Variants in GALNTL6 observed in about 807,000 individuals in gnomAD.
GALNTL6 encodes polypeptide N-acetylgalactosaminyltransferase like 6, also known as polypeptide N-acetylgalactosaminyltransferase-like 6.
Under a neutral mutation model 73.7 loss-of-function variants are expected in GALNTL6, and 46 were observed. That is an observed-to-expected ratio of 0.62 (90% CI 0.49 to 0.80). The LOEUF is 0.80. Ranked by LOEUF, GALNTL6 falls within the 30% of genes least tolerant of loss-of-function variation. The pLI is 0.00. For missense variants in GALNTL6, 604 were observed against 755.0 expected, an observed-to-expected ratio of 0.80 and a Z score of 2.34; for synonymous variants, 259 against 263.7, an observed-to-expected ratio of 0.98 and a Z score of 0.17.
intron 5 of GALNTL6, among the ~76,000 whole-genome samples, chr4:172,514,195 A>G (rs371656751): frequency 2.6e-5 from 4 of 152,174 alleles, no homozygotes; most frequent in Non-Finnish European, 5.9e-5. Flanking sequence ...GTCTTCTACT[A>G]TCAGGGTGGG....
At chr4:172,951,942 TCTTTTC>T (rs1053365016) in intron 9 of GALNTL6, 89 bp from the exon 10 acceptor site, 9 of 1,029,852 alleles carry the variant, frequency 8.7e-6, no homozygotes, top group Non-Finnish European at 1.3e-5. Flanking sequence ...GTTGCCGCTA[TCTTTTC>T]CTTTTCTTTT....
At chr4:172,300,480 A>G (rs1405782436) in intron 3 of GALNTL6, among the ~76,000 whole-genome samples, 1 of 152,020 alleles carries the variant, frequency 6.6e-6, no homozygotes, top group Non-Finnish European at 1.5e-5. Context: ...GGTCTTTACA[A>G]TTTGGCATGT....
intron 2 of GALNTL6, among the ~76,000 whole-genome samples, chr4:172,156,540 A>ATACATGT (rs58197299): frequency 3.2e-5 from 4 of 125,186 alleles, no homozygotes; most frequent in African/African-American, 1.4e-4. Flanking sequence ...ATATATATAT[A>ATACATGT]ATATATATAT....
rs1561045930 is a variant in GALNTL6, at chr4:172,362,361, CATT to C, written c.553+13674_553+13676del. 3.5e-5 allele frequency among the ~76,000 whole-genome samples: 5 copies of C among 143,098 alleles called. No homozygotes were observed. The Admixed American group carries it at 3.7e-4, about 11-fold the overall frequency. The allele number at this position is 143,098 out of a possible 152,430, so 93.9% of individuals were successfully genotyped here. ...AGTAATTTATAAGTGTATTTGTTCA[CATT>C]AATTAATATTATTAAACAAACTTAA... On this transcript the variant is annotated intron_variant, in intron 5 of 12. Transcript: ENST00000506823.
chr4:172,803,364 T>C (rs913028876), intron 5 of GALNTL6, among the ~76,000 whole-genome samples: 2 of 152,162 alleles, frequency 1.3e-5, no homozygotes, highest in African/African-American at 4.8e-5. Flanking sequence ...ACTACACATG[T>C]GAGGGATCTA....
chr4:172,549,948 A>G (rs1215920215), intron 5 of GALNTL6, among the ~76,000 whole-genome samples: 1 of 152,204 alleles, frequency 6.6e-6, no homozygotes, highest in Non-Finnish European at 1.5e-5. Context: ...GCTGTTTATC[A>G]CAAATATCTT....
intron 2 of GALNTL6, among the ~76,000 whole-genome samples, chr4:172,057,701 CAAA>C (rs57041409): frequency 0.035 from 2,206 of 63,102 alleles, 30 homozygotes; most frequent in Non-Finnish European, 0.046. Context: ...GACCCTGTCT[CAAA>C]AAAAAAAAAA....
At chr4:172,058,947 A>G (rs148072422) in intron 2 of GALNTL6, among the ~76,000 whole-genome samples, 7 of 152,248 alleles carry the variant, frequency 4.6e-5, no homozygotes, top group African/African-American at 1.7e-4. Context: ...AATAATTAAA[A>G]TTTTCTATTG....
At chr4:172,105,998 G>T (rs1426782089) in intron 2 of GALNTL6, among the ~76,000 whole-genome samples, 2 of 152,044 alleles carry the variant, frequency 1.3e-5, no homozygotes, top group Admixed American at 6.6e-5. Flanking sequence ...GAAAAAATTG[G>T]CAATAGTAAA....
chr4:172,561,259 C>CAGA (rs1736351718), intron 5 of GALNTL6, among the ~76,000 whole-genome samples: 1 of 60,130 alleles, frequency 1.7e-5, no homozygotes, highest in Non-Finnish European at 2.7e-5. Context: ...GACTCCGTCT[C>CAGA]AAAAAAAAAA....
At chr4:172,885,861 T>A (rs149246969) in intron 8 of GALNTL6, among the ~76,000 whole-genome samples, 1 of 152,216 alleles carries the variant, frequency 6.6e-6, no homozygotes, top group African/African-American at 2.4e-5. Context: ...ATCACACTTA[T>A]TGATTTGTAT....
intron 2 of GALNTL6, among the ~76,000 whole-genome samples, chr4:172,069,583 T>TGTTA (rs776675339): frequency 0.55 from 28,525 of 51,820 alleles, 12,198 homozygotes; most frequent in South Asian, 0.79. Flanking sequence ...ATGTTATATA[T>TGTTA]TATATATATA....
At chr4:172,210,704 C>T (rs1249624991) in intron 2 of GALNTL6, among the ~76,000 whole-genome samples, 3 of 152,130 alleles carry the variant, frequency 2.0e-5, no homozygotes, top group African/African-American at 7.2e-5. Flanking sequence ...GCCAGCCCCA[C>T]TCAGTCTTAC....
At chr4:172,379,536 CAAAAAA>C (rs71592073) in intron 5 of GALNTL6, among the ~76,000 whole-genome samples, 3 of 75,714 alleles carry the variant, frequency 4.0e-5, no homozygotes, top group Admixed American at 1.8e-4. Flanking sequence ...GACTCCGTCT[CAAAAAA>C]AAAAAAAAAA....
rs1190144408 is a variant in GALNTL6 at position 172,512,213 on chromosome 4, T to C, written c.553+163524T>C. On this transcript the variant is annotated intron_variant, in intron 5 of 12. Transcript: ENST00000506823. Reference sequence around the variant, plus strand: ...ACGTCATCCTTTATCTTTTTTTTACTGTTGGTGCTTTAAAGTCTATTTTGT... The same window carrying C: ...ACGTCATCCTTTATCTTTTTTTTACCGTTGGTGCTTTAAAGTCTATTTTGT... Among the ~76,000 whole-genome samples the C allele has an allele frequency of 3.6e-5, 2 of 55,250 alleles. 1 individual carries two copies. Among genetic ancestry groups the C allele is most frequent in the Admixed American group, 5.1e-4 (2 of 3,936 alleles). 36.2% of individuals were successfully genotyped at this position (55,250 alleles called of 152,430 possible).
At chr4:172,393,522 T>C in intron 5 of GALNTL6, among the ~76,000 whole-genome samples, 1 of 152,244 alleles carries the variant, frequency 6.6e-6, no homozygotes, top group East Asian at 1.9e-4. Context: ...TGTTCATTAA[T>C]GACACATTAA....
intron 10 of GALNTL6, among the ~76,000 whole-genome samples, chr4:173,008,111 G>A (rs547481039): frequency 1.3e-5 from 2 of 152,274 alleles, no homozygotes; most frequent in African/African-American, 4.8e-5. Context: ...GCTAAACTAT[G>A]ACAATAGGTG....
intron 2 of GALNTL6, among the ~76,000 whole-genome samples, chr4:171,862,974 C>T (rs1735874906): frequency 6.6e-6 from 1 of 152,030 alleles, no homozygotes; most frequent in African/African-American, 2.4e-5. Flanking sequence ...ATATATTTGA[C>T]AATAGAGATA....
chr4:172,090,764 T>C (rs768395024), intron 2 of GALNTL6, among the ~76,000 whole-genome samples: 2 of 152,220 alleles, frequency 1.3e-5, no homozygotes, highest in African/African-American at 2.4e-5. Context: ...CATGAAGTCC[T>C]TGCCCATGCC....
Sources: allele counts gnomAD v4.1 joint callset (sites outside exome capture counted in the v4.1 genomes callset), GRCh38; gene constraint gnomAD v4.1.1; transcripts MANE v1.5; gene names NCBI Gene and HGNC (gene_info 2026-07-23, HGNC 2026-07-21).